Variants in JAKMIP2 observed in about 807,000 individuals in gnomAD.
JAKMIP2 encodes the protein janus kinase and microtubule interacting protein 2.
JAKMIP2 carries 25 observed loss-of-function variants against 115.0 expected under a neutral mutation model. The ratio of observed to expected loss-of-function variants is 0.22; its 90% CI spans 0.16 to 0.30. The LOEUF (loss-of-function observed/expected upper bound fraction) is 0.30, where lower values mean the gene tolerates loss of function less well. Among genes scored for constraint, JAKMIP2 ranks in the 10% least tolerant of loss-of-function variants. The pLI is 1.00. For synonymous variants in JAKMIP2, 334 were observed against 343.6 expected (o/e 0.97, Z 0.31); for missense variants, 642 against 957.6 (o/e 0.67, Z 4.35).
chr5:147,711,854 G>T (rs1415093829), intron 1 of JAKMIP2, among the ~76,000 whole-genome samples: 1 of 152,172 alleles, frequency 6.6e-6, no homozygotes, highest in Non-Finnish European at 1.5e-5. Context: ...TTTTGGTAGA[G>T]ACAGGGTTTT....
chr5:147,737,266 GTTAT>G (rs1753961601), intron 1 of JAKMIP2, among the ~76,000 whole-genome samples: 1 of 152,122 alleles, frequency 6.6e-6, no homozygotes, highest in South Asian at 2.1e-4. Flanking sequence ...CTCTTGCAGT[GTTAT>G]AAATCAAGAC....
intron 11 of JAKMIP2, among the ~76,000 whole-genome samples, chr5:147,636,673 G>C (rs561008986): frequency 6.6e-6 from 1 of 152,296 alleles, no homozygotes; most frequent in East Asian, 1.9e-4. Flanking sequence ...AGCTGGAGGG[G>C]TGGGTCTTGG....
chr5:147,650,469 T>TCTGTACATAGC lies in JAKMIP2; in HGVS notation c.695_705dup (p.Lys236AlafsTer27). On this transcript the variant is annotated frameshift_variant, in exon 4 of 22. Transcript: ENST00000616793. LOFTEE classifies it high-confidence loss of function. ...AAAGCCTCCTTCTGAAGTTGGAGTT[T>TCTGTACATAGC]CTGTACATAGCCTGTCTGGGTCTCC... The TCTGTACATAGC allele has an allele frequency of 6.2e-7, 1 of 1,613,954 alleles. No homozygotes were observed. Among genetic ancestry groups the TCTGTACATAGC allele is most frequent in the Non-Finnish European group, 8.5e-7 (1 of 1,179,886 alleles).
intron 2 of JAKMIP2, among the ~76,000 whole-genome samples, chr5:147,665,949 A>G (rs569721983): frequency 1.3e-5 from 2 of 152,230 alleles, no homozygotes; most frequent in Non-Finnish European, 2.9e-5. Context: ...ATTTTTAAAA[A>G]AGTAAAAATA....
intron 19 of JAKMIP2, among the ~76,000 whole-genome samples, chr5:147,613,977 G>A (rs1246953010): frequency 1.3e-5 from 2 of 152,184 alleles, no homozygotes; most frequent in Admixed American, 1.3e-4. Context: ...AGTGCTGTCA[G>A]TGCTCCATAG....
At chr5:147,740,903 A>G (rs1481873631) in intron 1 of JAKMIP2, among the ~76,000 whole-genome samples, 1 of 152,186 alleles carries the variant, frequency 6.6e-6, no homozygotes, top group Non-Finnish European at 1.5e-5. Flanking sequence ...TTTCTTTTAC[A>G]TGGGGAGGCA....
chr5:147,764,402 C>G (rs77019885), intron 1 of JAKMIP2, among the ~76,000 whole-genome samples: 1 of 145,114 alleles, frequency 6.9e-6, no homozygotes, highest in Admixed American at 7.1e-5. Context: ...GTGAAAGATT[C>G]GTCTAAATGT....
chr5:147,629,958 G>T (rs1757282694), intron 14 of JAKMIP2, among the ~76,000 whole-genome samples: 1 of 152,152 alleles, frequency 6.6e-6, no homozygotes, highest in African/African-American at 2.4e-5. Context: ...AATTTTGCTA[G>T]TTGCAAAATG....
intron 19 of JAKMIP2, among the ~76,000 whole-genome samples, chr5:147,616,139 C>T (rs1756568447): frequency 6.6e-6 from 1 of 152,058 alleles, no homozygotes; most frequent in Non-Finnish European, 1.5e-5. Flanking sequence ...TCAGTTCACT[C>T]TTAAACATTC....
At chr5:147,634,032 A>G (rs1053551254) in intron 12 of JAKMIP2, among the ~76,000 whole-genome samples, 6 of 152,214 alleles carry the variant, frequency 3.9e-5, no homozygotes, top group Admixed American at 3.9e-4. Context: ...TTTATGAAGT[A>G]CAATGGATGT....
At chr5:147,760,509 A>T (rs1388237141) in intron 1 of JAKMIP2, among the ~76,000 whole-genome samples, 1 of 152,116 alleles carries the variant, frequency 6.6e-6, no homozygotes, top group Non-Finnish European at 1.5e-5. Context: ...GGTCAATATA[A>T]GAAAAAGAAA....
chr5:147,653,115 G>A (rs1325289260), intron 3 of JAKMIP2, among the ~76,000 whole-genome samples: 1 of 152,112 alleles, frequency 6.6e-6, no homozygotes, highest in Admixed American at 6.5e-5. Context: ...TATAATTGAT[G>A]GGCATTTGGG....
chr5:147,618,133 A>G lies in JAKMIP2; in HGVS notation c.2143-19T>C, dbSNP rs1160549717. 6.3e-7 allele frequency: 1 copy of G among 1,598,120 alleles called. No homozygotes were observed. The highest frequency in any genetic ancestry group is 1.3e-5 in the African/African-American group (1 of 74,646). On this transcript the variant is annotated intron_variant, in intron 18 of 21. Coordinates refer to ENST00000616793, the MANE Select transcript of JAKMIP2 (RefSeq NM_001270941.2). The stretch of plus-strand genomic sequence containing the variant: ...GGATTCTCTGGCAAATAGAATTAGA[A>G]AAGTCTAACTTTGGAACTTGGCATT...
chr5:147,710,389 T>G (rs1752732546), intron 1 of JAKMIP2, among the ~76,000 whole-genome samples: 1 of 152,122 alleles, frequency 6.6e-6, no homozygotes, highest in Non-Finnish European at 1.5e-5. Flanking sequence ...TTAAAAAGAC[T>G]AAAATCAGGA....
rs538428401 is a variant in JAKMIP2, at chr5:147,647,398, T to C, written c.936+978A>G. Among the ~76,000 whole-genome samples the C allele has an allele frequency of 1.9e-4, 29 of 152,182 alleles. No homozygotes were observed. The South Asian group carries it at 5.8e-3, about 30-fold the overall frequency. ...AGGCTGAAAATAACTCTTATATGAATAGCTCTATTAAAAACAAAAACGTAA... is the reference window on the plus strand; with the variant it reads ...AGGCTGAAAATAACTCTTATATGAACAGCTCTATTAAAAACAAAAACGTAA... On this transcript the variant is annotated intron_variant, in intron 5 of 21. Coordinates refer to ENST00000616793, the MANE Select transcript of JAKMIP2 (RefSeq NM_001270941.2).
At chr5:147,608,984 C>T (rs1481540496) in intron 20 of JAKMIP2, among the ~76,000 whole-genome samples, 1 of 126,930 alleles carries the variant, frequency 7.9e-6, no homozygotes, top group African/African-American at 2.9e-5. Context: ...TTATCAGAGA[C>T]TAGAATTGCA....
intron 1 of JAKMIP2, among the ~76,000 whole-genome samples, chr5:147,675,272 A>G (rs1304421876): frequency 2.0e-5 from 3 of 152,160 alleles, no homozygotes; most frequent in Admixed American, 6.6e-5. Context: ...GCACATTCAG[A>G]AGAGAAAAAA....
rs1432244116 is a variant in JAKMIP2 at position 147,640,718 on chromosome 5, C to A, written c.1387G>T (p.Asp463Tyr). The A allele has an allele frequency of 6.2e-7, 1 of 1,613,570 alleles. No homozygotes were observed. Among genetic ancestry groups the A allele is most frequent in the Non-Finnish European group, 8.5e-7 (1 of 1,179,746 alleles). The change falls in exon 9 of 22, where the codon GAT becomes TAT. Residue 463 changes from aspartate to tyrosine, a missense_variant. Physicochemically the swap from Asp to Tyr is radical, Grantham distance 160 (BLOSUM62 -3). This residue lies in a region of JAKMIP2 where 439 missense variants were observed against 570.9 expected (regional missense o/e 0.77). Coordinates refer to ENST00000616793, the MANE Select transcript of JAKMIP2 (RefSeq NM_001270941.2). ...RTDRTPATPD[D>Y]DLDESLAAEE... ...GAAAAGCTTACTTCATCCAAGTCAT[C>A]ATCAGGAGTAGCTGGTGTTCTGTCT...
At chr5:147,643,258 A>G (rs549958448) in intron 7 of JAKMIP2, among the ~76,000 whole-genome samples, 4 of 152,312 alleles carry the variant, frequency 2.6e-5, no homozygotes, top group African/African-American at 9.6e-5. Context: ...AGGATGAATC[A>G]TAAGTAATTA....
Sources: allele counts gnomAD v4.1 joint callset (sites outside exome capture counted in the v4.1 genomes callset), GRCh38; gene constraint gnomAD v4.1.1; regional missense constraint gnomAD v4.1.1; transcripts MANE v1.5; gene names NCBI Gene and HGNC (gene_info 2026-07-23, HGNC 2026-07-21).